Variants in ATP7A observed in about 807,000 individuals in gnomAD.
ATP7A encodes ATPase copper transporting alpha.
Under a neutral mutation model 83.5 loss-of-function variants are expected in ATP7A, and 7 were observed. That is an observed-to-expected ratio of 0.08 (90% CI 0.05 to 0.16). ATP7A has a LOEUF of 0.16. Ranked by LOEUF, ATP7A falls within the 10% of genes least tolerant of loss-of-function variation. The pLI is 1.00. For missense variants in ATP7A, 940 were observed against 1,120.8 expected (o/e 0.84, Z 2.30); for synonymous variants, 354 against 395.2 (o/e 0.90, Z 1.24).
intron 4 of ATP7A, among the ~76,000 whole-genome samples, chrX:77,995,441 G>A (rs1557232436): frequency 9.3e-6 from 1 of 107,745 alleles, no homozygotes; most frequent in African/African-American, 3.4e-5. Flanking sequence ...GGTGGTGGGC[G>A]CCTGTAATCC....
At chrX:77,985,402 C>T (rs1191757183) in intron 2 of ATP7A, among the ~76,000 whole-genome samples, 3 of 86,817 alleles carry the variant, frequency 3.5e-5, no homozygotes, top group Non-Finnish European at 4.5e-5. Context: ...GGGGTGGGTG[C>T]GGGGGAACCA....
intron 1 of ATP7A, among the ~76,000 whole-genome samples, chrX:77,970,571 C>A (rs916424295): frequency 9.0e-6 from 1 of 111,590 alleles, no homozygotes; most frequent in African/African-American, 3.3e-5. Context: ...ACTGGGGAGG[C>A]TGATGCAGGA....
chrX:77,993,390 G>A (rs1409816331), intron 4 of ATP7A, among the ~76,000 whole-genome samples: 1 of 111,826 alleles, frequency 8.9e-6, no homozygotes, highest in South Asian at 3.7e-4. Flanking sequence ...TGCAGACCCA[G>A]TAAATCAAAT....
At chrX:77,966,716 T>C (rs879946413) in intron 1 of ATP7A, 11 of 316,567 alleles carry the variant, frequency 3.5e-5, no homozygotes, top group South Asian at 3.0e-4. Context: ...ATAGTCATTA[T>C]GGTTGCACAT....
At chrX:77,966,012 G>A (rs1313017038) in intron 1 of ATP7A, among the ~76,000 whole-genome samples, 2 of 111,913 alleles carry the variant, frequency 1.8e-5, no homozygotes, top group African/African-American at 6.5e-5. Context: ...ATAGGTAAGG[G>A]GTATGTTTTG....
intron 1 of ATP7A, among the ~76,000 whole-genome samples, chrX:77,954,117 G>A (rs2077427859): frequency 9.0e-6 from 1 of 111,220 alleles, no homozygotes; most frequent in Non-Finnish European, 1.9e-5. Flanking sequence ...TTTAGGAATG[G>A]TCAAATAAAA....
At chrX:78,006,415 G>A (rs1236737544) in intron 6 of ATP7A, among the ~76,000 whole-genome samples, 1 of 112,204 alleles carries the variant, frequency 8.9e-6, no homozygotes, top group Non-Finnish European at 1.9e-5. Flanking sequence ...GGGATACTGA[G>A]TAGCTATTAA....
intron 1 of ATP7A, among the ~76,000 whole-genome samples, chrX:77,957,035 A>C (rs1445928112): frequency 9.1e-6 from 1 of 109,923 alleles, no homozygotes; most frequent in African/African-American, 3.3e-5. Context: ...GGGCTCAAGC[A>C]TTCTGCCTGC....
intron 1 of ATP7A, among the ~76,000 whole-genome samples, chrX:77,958,355 C>CA (rs1426168053): frequency 9.0e-6 from 1 of 111,330 alleles, no homozygotes; most frequent in East Asian, 2.8e-4. Context: ...TATAGTGATG[C>CA]AAAAATGGAC....
At chrX:77,938,437 CA>C (rs781870210) in intron 1 of ATP7A, among the ~76,000 whole-genome samples, 1 of 112,499 alleles carries the variant, frequency 8.9e-6, no homozygotes, top group Non-Finnish European at 1.9e-5. Context: ...CATAAATTTT[CA>C]AAAGGCCTCA....
intron 2 of ATP7A, chrX:77,975,683 G>A: frequency 9.2e-6 from 1 of 109,238 alleles, no homozygotes; most frequent in Middle Eastern, 4.7e-3. Flanking sequence ...TAGAAACGGG[G>A]TTTCACCATG....
At chrX:78,011,750 G>C in intron 9 of ATP7A, 76 bp downstream of exon 9, 1 of 932,834 alleles carries the variant, frequency 1.1e-6, no homozygotes, top group Non-Finnish European at 1.6e-6. Flanking sequence ...TTTATTTTCA[G>C]CTACAAAACT....
At chrX:77,944,497 C>T (rs1051996241) in intron 1 of ATP7A, among the ~76,000 whole-genome samples, 12 of 111,209 alleles carry the variant, frequency 1.1e-4, no homozygotes, top group African/African-American at 3.9e-4. Flanking sequence ...AGTGCAGTGA[C>T]ATGATCATAG....
rs58638597 is a variant in ATP7A, at chrX:78,044,275, A to AAAT, written c.4123+841_4123+842insAAT. 1.8e-4 allele frequency among the ~76,000 whole-genome samples: 19 copies of AAAT among 108,080 alleles called. 1 individual carries two copies. The highest frequency in any genetic ancestry group is 1.7e-4 in the Non-Finnish European group (9 of 52,000). 93.9% of individuals were successfully genotyped at this position (108,080 alleles called of 115,157 possible). On this transcript the variant is annotated intron_variant, in intron 21 of 22. Transcript: ENST00000341514. Reference sequence around the variant, plus strand: ...GTCTCCAAAAAAAAAAAAAAAAAAAATTCATACCTCCAAAAACATTGAAAA... The same window carrying AAAT: ...GTCTCCAAAAAAAAAAAAAAAAAAAAAATTTCATACCTCCAAAAACATTGAAAA...
At chrX:77,988,790 C>A in intron 3 of ATP7A, 59 bp downstream of exon 3, 1 of 1,195,643 alleles carries the variant, frequency 8.4e-7, no homozygotes. Flanking sequence ...GATCTTTTAA[C>A]TTTTTGCTTT....
chrX:78,015,673 A>G, intron 11 of ATP7A, 81 bp from the exon 12 acceptor site: 1 of 1,150,818 alleles, frequency 8.7e-7, no homozygotes, highest in Admixed American at 2.2e-5. Flanking sequence ...CACAAGCTTG[A>G]CGTGAACTAA....
At chrX:77,929,833 C>A (rs1355983007) in intron 1 of ATP7A, among the ~76,000 whole-genome samples, 1 of 110,745 alleles carries the variant, frequency 9.0e-6, no homozygotes. Flanking sequence ...GAATCATCTT[C>A]TATTTTAAAA....
intron 1 of ATP7A, among the ~76,000 whole-genome samples, chrX:77,945,951 C>T (rs375313187): frequency 1.2e-4 from 13 of 110,803 alleles, no homozygotes; most frequent in Admixed American, 3.9e-4. Flanking sequence ...TGTTCATATG[C>T]GGTAATGCTT....
chrX:78,045,825 A>G (rs781881831), intron 22 of ATP7A, among the ~76,000 whole-genome samples: 2 of 111,415 alleles, frequency 1.8e-5, no homozygotes, highest in South Asian at 7.5e-4. Flanking sequence ...TCTACTAGAA[A>G]TACAAAAATT....
Sources: allele counts gnomAD v4.1 joint callset (sites outside exome capture counted in the v4.1 genomes callset), GRCh38; gene constraint gnomAD v4.1.1; transcripts MANE v1.5; gene names NCBI Gene and HGNC (gene_info 2026-07-23, HGNC 2026-07-21).